Variants in TSNARE1 observed in about 807,000 individuals in gnomAD.
TSNARE1 encodes the protein t-SNARE domain containing 1.
In TSNARE1, 49 loss-of-function variants were observed where a neutral mutation model predicts 62.0. That is an observed-to-expected ratio of 0.79 (90% CI 0.63 to 1.00). TSNARE1 has a LOEUF of 1.00. Ranked by LOEUF, TSNARE1 falls within the 50% of genes least tolerant of loss-of-function variation. The pLI is 0.00. For synonymous variants in TSNARE1, 328 were observed against 294.4 expected (o/e 1.11, Z -1.17); for missense variants, 755 against 700.1 (o/e 1.08, Z -0.88).
chr8:142,313,791 T>C (rs1828058916), intron 9 of TSNARE1, among the ~76,000 whole-genome samples: 1 of 152,234 alleles, frequency 6.6e-6, no homozygotes, highest in Non-Finnish European at 1.5e-5. Flanking sequence ...TTTTTGTTTT[T>C]GAGACAGAAT....
At chr8:142,313,339 T>C (rs1586736847) in intron 9 of TSNARE1, among the ~76,000 whole-genome samples, 1 of 152,290 alleles carries the variant, frequency 6.6e-6, no homozygotes, top group East Asian at 1.9e-4. Flanking sequence ...TGTGTGTTTA[T>C]CTGTGTGTCT....
chr8:142,364,290 G>A (rs1243296676), intron 1 of TSNARE1, among the ~76,000 whole-genome samples: 3 of 152,316 alleles, frequency 2.0e-5, no homozygotes, highest in East Asian at 3.9e-4. Context: ...AAGCACTCCC[G>A]CGCTCACTCA....
rs187818008 is a variant in TSNARE1 at position 142,291,247 on chromosome 8, A to G, written c.1291-6762T>C. 2.9e-3 allele frequency among the ~76,000 whole-genome samples: 433 copies of G among 151,886 alleles called. 7 individuals carry two copies. The highest frequency in any genetic ancestry group is 1.8e-3 in the Non-Finnish European group (122 of 67,988). ...AAGGCCAAGCAAAAGTCGGCTCTCC[A>G]GCATCGCGGTGAGGATGGCCTTGTG... On this transcript the variant is annotated intron_variant, in intron 10 of 13. Transcript: ENST00000524325. This position sits in a 1 kb window ranked among gnomAD's most constrained non-coding sequence, Gnocchi z 4.8.
intron 1 of TSNARE1, among the ~76,000 whole-genome samples, chr8:142,398,388 C>A (rs752764663): frequency 2.6e-5 from 4 of 151,830 alleles, no homozygotes; most frequent in Non-Finnish European, 4.4e-5. Flanking sequence ...AACACACCTC[C>A]AGCCCCAAAA....
At chr8:142,328,830 G>A (rs1387409924) in intron 6 of TSNARE1, among the ~76,000 whole-genome samples, 1 of 25,148 alleles carries the variant, frequency 4.0e-5, no homozygotes, top group African/African-American at 1.5e-4. Flanking sequence ...GGGGGGGGGA[G>A]GGTTCCGCAC....
chr8:142,246,584 C>T (rs1008119758), intron 12 of TSNARE1, among the ~76,000 whole-genome samples: 3 of 152,166 alleles, frequency 2.0e-5, no homozygotes, highest in Admixed American at 6.5e-5. Flanking sequence ...GTCAAGCAGA[C>T]GGGGTGCAAA....
chr8:142,243,381 G>A (rs1051252463), intron 12 of TSNARE1, among the ~76,000 whole-genome samples: 5 of 152,198 alleles, frequency 3.3e-5, no homozygotes, highest in African/African-American at 1.2e-4. Context: ...GATAAAGAAA[G>A]TGTGGTACAT....
At chr8:142,296,347 G>A (rs1456582299) in intron 10 of TSNARE1, among the ~76,000 whole-genome samples, 2 of 104,416 alleles carry the variant, frequency 1.9e-5, no homozygotes, top group African/African-American at 8.0e-5. Flanking sequence ...TGGGGGAGGC[G>A]GTGGTCACTC....
chr8:142,345,626 C>A, intron 3 of TSNARE1, 117 bp downstream of exon 3: 1 of 1,284,004 alleles, frequency 7.8e-7, no homozygotes, highest in Non-Finnish European at 1.0e-6. Context: ...AGGTCCCTTG[C>A]CTCCTGGTCC....
At chr8:142,281,671 A>T (rs1463618894) in intron 11 of TSNARE1, among the ~76,000 whole-genome samples, 3 of 151,952 alleles carry the variant, frequency 2.0e-5, no homozygotes, top group Admixed American at 6.5e-5. Context: ...GGACCTCTCT[A>T]GGGAAGCCAA....
At chr8:142,308,717 T>G (rs1238550350) in intron 9 of TSNARE1, among the ~76,000 whole-genome samples, 2 of 152,228 alleles carry the variant, frequency 1.3e-5, no homozygotes, top group Non-Finnish European at 2.9e-5. Flanking sequence ...TCGTTCTTCT[T>G]CAAAATTGCC....
At chr8:142,379,069 A>G (rs780135809) in intron 1 of TSNARE1, among the ~76,000 whole-genome samples, 4 of 152,076 alleles carry the variant, frequency 2.6e-5, no homozygotes, top group Non-Finnish European at 4.4e-5. Flanking sequence ...TTTGCAGAGG[A>G]CTCTCAGAGC....
intron 9 of TSNARE1, among the ~76,000 whole-genome samples, chr8:142,311,498 T>C (rs961353178): frequency 1.3e-5 from 2 of 151,706 alleles, no homozygotes; most frequent in East Asian, 2.0e-4. Flanking sequence ...GGTTTCTCCA[T>C]GTTGGTCAGG....
chr8:142,272,156 C>T (rs921839516), intron 12 of TSNARE1, among the ~76,000 whole-genome samples: 2 of 151,960 alleles, frequency 1.3e-5, no homozygotes, highest in Admixed American at 6.6e-5. Context: ...TCTATTCATC[C>T]ATCCATCCGT....
intron 10 of TSNARE1, among the ~76,000 whole-genome samples, chr8:142,290,177 C>G (rs1302741503): frequency 1.3e-5 from 2 of 152,136 alleles, no homozygotes; most frequent in Non-Finnish European, 2.9e-5. Context: ...GTCCTCAGTC[C>G]TGGGGCGACA....
At chr8:142,240,749 C>T (rs1338028144) in intron 12 of TSNARE1, among the ~76,000 whole-genome samples, 5 of 151,898 alleles carry the variant, frequency 3.3e-5, no homozygotes, top group Admixed American at 3.3e-4. Flanking sequence ...AGTAATGGGT[C>T]AAAGAAAAAT....
intron 1 of TSNARE1, among the ~76,000 whole-genome samples, chr8:142,395,312 C>A (rs1837820115): frequency 6.6e-6 from 1 of 152,212 alleles, no homozygotes; most frequent in Non-Finnish European, 1.5e-5. Flanking sequence ...ACCTTGCCCT[C>A]CCCGGGAGGC....
chr8:142,276,507 G>C, intron 11 of TSNARE1: 1 of 985,342 alleles, frequency 1.0e-6, no homozygotes, highest in Non-Finnish European at 1.2e-6. Context: ...TTCTGTTGCT[G>C]AGAGGTGAAT....
chr8:142,336,859 T>C (rs1378775355), intron 4 of TSNARE1, among the ~76,000 whole-genome samples: 2 of 152,212 alleles, frequency 1.3e-5, no homozygotes, highest in Non-Finnish European at 2.9e-5. Context: ...AACAGAAAGT[T>C]ATCTGTGAAT....
Sources: allele counts gnomAD v4.1 joint callset (sites outside exome capture counted in the v4.1 genomes callset), GRCh38; gene constraint gnomAD v4.1.1; non-coding constraint Gnocchi (gnomAD v3.1); transcripts MANE v1.5; gene names NCBI Gene and HGNC (gene_info 2026-07-23, HGNC 2026-07-21).